The following TEAD1 variants were observed in gnomAD, a reference collection of about 807,000 sequenced individuals.
TEAD1 encodes the protein transcriptional enhancer factor TEF-1.
A neutral mutation model predicts 54.9 loss-of-function variants in TEAD1; 9 were observed. The observed-to-expected ratio is 0.16, with a 90% CI of 0.10 to 0.29. The LOEUF (loss-of-function observed/expected upper bound fraction) is 0.29, where lower values mean the gene tolerates loss of function less well. Among genes scored for constraint, TEAD1 ranks in the 10% least tolerant of loss-of-function variants. The pLI is 1.00. For synonymous variants in TEAD1, 200 were observed against 187.8 expected, an observed-to-expected ratio of 1.07 and a Z score of -0.53; for missense variants, 387 against 535.9, an observed-to-expected ratio of 0.72 and a Z score of 2.74.
rs1945765770 is a variant in TEAD1 at position 12,790,103 on chromosome 11, T to C, written c.202+25669T>C. On this transcript the variant is annotated intron_variant, in intron 3 of 12. Transcript: ENST00000527636. ...TGCTGGCTGGGGGAAAGGCCAGCCA[T>C]ACAGACTGAGGCACCAGCCCCAAAC... Among the ~76,000 whole-genome samples, 9 of 152,248 alleles carry C rather than the reference T, an allele frequency of 5.9e-5. 1 individual carries two copies. Among genetic ancestry groups the C allele is most frequent in the Admixed American group, 5.9e-4 (9 of 15,290 alleles).
chr11:12,766,641 T>G (rs1945213840), intron 3 of TEAD1, among the ~76,000 whole-genome samples: 1 of 152,206 alleles, frequency 6.6e-6, no homozygotes, highest in South Asian at 2.1e-4. Context: ...CTAGCCTGTC[T>G]TGGGTACCCA....
intron 9 of TEAD1, among the ~76,000 whole-genome samples, chr11:12,887,207 C>T (rs547301850): frequency 8.1e-4 from 123 of 151,532 alleles, no homozygotes; most frequent in African/African-American, 2.9e-3. Flanking sequence ...CTCCATTCTC[C>T]TGCCTCAGCC....
chr11:12,713,074 C>G (rs1943978134), intron 2 of TEAD1, among the ~76,000 whole-genome samples: 1 of 152,152 alleles, frequency 6.6e-6, no homozygotes, highest in Non-Finnish European at 1.5e-5. Flanking sequence ...GGCTGGAGTG[C>G]AGTGGGATGA....
intron 3 of TEAD1, among the ~76,000 whole-genome samples, chr11:12,792,450 C>G (rs1181390060): frequency 2.0e-5 from 3 of 147,852 alleles, no homozygotes; most frequent in African/African-American, 7.5e-5. Context: ...TGTTGCTTTT[C>G]TCTTTAGTTT....
At chr11:12,723,836 A>G (rs1944260852) in intron 2 of TEAD1, among the ~76,000 whole-genome samples, 1 of 149,840 alleles carries the variant, frequency 6.7e-6, no homozygotes, top group Non-Finnish European at 1.5e-5. Context: ...AATCTTAGAA[A>G]GGTGTGTTTG....
intron 3 of TEAD1, among the ~76,000 whole-genome samples, chr11:12,845,663 C>T (rs1564961425): frequency 2.0e-5 from 3 of 152,208 alleles, no homozygotes; most frequent in Non-Finnish European, 2.9e-5. Flanking sequence ...GGAAACCGTA[C>T]TGTTGTTGTA....
chr11:12,868,763 C>T (rs1947678205), intron 5 of TEAD1, among the ~76,000 whole-genome samples: 1 of 152,138 alleles, frequency 6.6e-6, no homozygotes, highest in Non-Finnish European at 1.5e-5. Context: ...TCATTGAGAA[C>T]CTAAGTGTGT....
chr11:12,728,398 A>G (rs557013577), intron 2 of TEAD1, among the ~76,000 whole-genome samples: 4 of 152,178 alleles, frequency 2.6e-5, no homozygotes, highest in African/African-American at 4.8e-5. Flanking sequence ...ATGTACTTCA[A>G]AGGTGTAGCA....
At chr11:12,827,125 G>A (rs1946673783) in intron 3 of TEAD1, among the ~76,000 whole-genome samples, 1 of 152,220 alleles carries the variant, frequency 6.6e-6, no homozygotes, top group South Asian at 2.1e-4. Flanking sequence ...ATTTTCCTGA[G>A]TAGTGAAGAA....
At chr11:12,836,415 G>A (rs910915561) in intron 3 of TEAD1, among the ~76,000 whole-genome samples, 11 of 94,786 alleles carry the variant, frequency 1.2e-4, no homozygotes, top group African/African-American at 3.1e-4. Flanking sequence ...GCGAGACTCC[G>A]TCTCAAAAAA....
intron 3 of TEAD1, among the ~76,000 whole-genome samples, chr11:12,797,280 C>G (rs968423959): frequency 6.6e-6 from 1 of 152,222 alleles, no homozygotes; most frequent in African/African-American, 2.4e-5. Context: ...AAACTCTGTC[C>G]CATCAGTCCT....
intron 3 of TEAD1, among the ~76,000 whole-genome samples, chr11:12,827,531 G>C (rs1051549089): frequency 6.6e-6 from 1 of 152,168 alleles, no homozygotes; most frequent in East Asian, 1.9e-4. Flanking sequence ...ATAAGTTAAT[G>C]ACTTGCTAAA....
chr11:12,870,511 G>A (rs1000370236), intron 5 of TEAD1, among the ~76,000 whole-genome samples: 1 of 152,052 alleles, frequency 6.6e-6, no homozygotes, highest in Non-Finnish European at 1.5e-5. Flanking sequence ...AGAGCACAGT[G>A]ATTTTGGAAA....
intron 2 of TEAD1, among the ~76,000 whole-genome samples, chr11:12,704,197 C>T (rs1484670095): frequency 6.6e-6 from 1 of 152,230 alleles, no homozygotes; most frequent in Non-Finnish European, 1.5e-5. Flanking sequence ...ATGTATTAGA[C>T]AAGCCTTCTG....
chr11:12,696,574 T>G (rs563678485), intron 2 of TEAD1, among the ~76,000 whole-genome samples: 86 of 152,350 alleles, frequency 5.6e-4, no homozygotes, highest in African/African-American at 2.0e-3. Context: ...GAGGGTTGGC[T>G]GCAGTTTCTG....
chr11:12,698,544 T>C (rs535496323), intron 2 of TEAD1, among the ~76,000 whole-genome samples: 86 of 152,146 alleles, frequency 5.7e-4, no homozygotes, highest in African/African-American at 2.0e-3. Context: ...ATTCCTGCTG[T>C]TCATCCTGGA....
intron 5 of TEAD1, among the ~76,000 whole-genome samples, chr11:12,871,505 A>G (rs1947744552): frequency 6.6e-6 from 1 of 152,162 alleles, no homozygotes; most frequent in Non-Finnish European, 1.5e-5. Flanking sequence ...TCTTTTTCCT[A>G]CTCAGAGTTT....
intron 6 of TEAD1, 71 bp from the exon 7 acceptor site, chr11:12,880,934 A>T: frequency 1.3e-6 from 2 of 1,545,076 alleles, no homozygotes; most frequent in Non-Finnish European, 1.8e-6. Context: ...AGGGGTTGTG[A>T]TGCGTAGGCA....
At chr11:12,855,285 T>C (rs1314921107) in intron 3 of TEAD1, among the ~76,000 whole-genome samples, 1 of 152,044 alleles carries the variant, frequency 6.6e-6, no homozygotes, top group Non-Finnish European at 1.5e-5. Context: ...TTCTTTTTTC[T>C]TTCTTTCTTT....
Sources: allele counts gnomAD v4.1 joint callset (sites outside exome capture counted in the v4.1 genomes callset), GRCh38; gene constraint gnomAD v4.1.1; transcripts MANE v1.5; gene names NCBI Gene and HGNC (gene_info 2026-07-23, HGNC 2026-07-21).